DMD: variants seen among roughly 807,000 people sequenced by gnomAD.
DMD encodes the protein dystrophin.
Under a neutral mutation model 330.1 loss-of-function variants are expected in DMD, and 63 were observed. That is an observed-to-expected ratio of 0.19 (90% CI 0.16 to 0.24). The LOEUF (loss-of-function observed/expected upper bound fraction) is 0.24. DMD is among the 10% of genes least tolerant of loss of function. The pLI is 1.00. For missense variants in DMD, 3,344 were observed against 2,684.1 expected (o/e 1.25, Z -5.43); for synonymous variants, 1,223 against 959.8 (o/e 1.27, Z -5.07).
Position 32,105,449 on chromosome X carries a change from TA to T in DMD, c.6438+111466del, listed in dbSNP as rs753528038. ...GTGATACATTAAATGATTTAAATTT[TA>T]AAAACTGTAAGAATTAATGTGGAAA... On this transcript the variant is annotated intron_variant, in intron 44 of 78. Coordinates refer to ENST00000357033, the MANE Select transcript of DMD (RefSeq NM_004006.3). Among the ~76,000 whole-genome samples, 204 of 112,307 alleles carry T rather than the reference TA, an allele frequency of 1.8e-3. 1 individual carries two copies. Among genetic ancestry groups the T allele is most frequent in the African/African-American group, 6.0e-3 (185 of 31,004 alleles).
chrX:32,396,286 T>G (rs949476791), intron 30 of DMD, among the ~76,000 whole-genome samples: 15 of 111,352 alleles, frequency 1.3e-4, no homozygotes, highest in African/African-American at 4.9e-4. Context: ...GATGAGCTTC[T>G]GTGTTTTTAG....
chrX:31,166,194 G>C (rs1373466996), intron 74 of DMD, among the ~76,000 whole-genome samples: 1 of 111,719 alleles, frequency 9.0e-6, no homozygotes, highest in Non-Finnish European at 1.9e-5. Context: ...AATATTTATT[G>C]AATACTATGT....
intron 19 of DMD, among the ~76,000 whole-genome samples, chrX:32,499,317 T>C (rs1433705060): frequency 8.9e-6 from 1 of 111,978 alleles, no homozygotes; most frequent in East Asian, 2.8e-4. Flanking sequence ...TATGCTATTC[T>C]ACATATTTTT....
At chrX:32,777,590 G>A (rs998924289) in intron 7 of DMD, among the ~76,000 whole-genome samples, 13 of 110,953 alleles carry the variant, frequency 1.2e-4, no homozygotes, top group Non-Finnish European at 1.7e-4. Context: ...TCAGGACTTC[G>A]CAGTTTTCCA....
At chrX:31,583,440 A>C (rs5971580) in intron 55 of DMD, among the ~76,000 whole-genome samples, 1 of 110,591 alleles carries the variant, frequency 9.0e-6, no homozygotes, top group East Asian at 2.9e-4. Flanking sequence ...GGTGTTAGAG[A>C]ACTAAAGGAG....
chrX:33,105,071 T>C (rs1458329342), intron 1 of DMD, among the ~76,000 whole-genome samples: 1 of 112,148 alleles, frequency 8.9e-6, no homozygotes, highest in Non-Finnish European at 1.9e-5. Context: ...TTTTAAAACG[T>C]CTATTCCTAC....
At chrX:33,285,073 T>C (rs531998433) in intron 1 of DMD, among the ~76,000 whole-genome samples, 1 of 110,927 alleles carries the variant, frequency 9.0e-6, no homozygotes, top group East Asian at 2.9e-4. Flanking sequence ...AACAGGAGAG[T>C]TGGTTAAGCT....
At chrX:32,259,543 T>C (rs2097313322) in intron 43 of DMD, among the ~76,000 whole-genome samples, 1 of 105,807 alleles carries the variant, frequency 9.5e-6, no homozygotes, top group Non-Finnish European at 2.0e-5. Context: ...GTAATGGGAT[T>C]TGATATTATT....
intron 1 of DMD, among the ~76,000 whole-genome samples, chrX:33,243,334 T>G (rs2052617627): frequency 8.9e-6 from 1 of 111,917 alleles, no homozygotes; most frequent in Non-Finnish European, 1.9e-5. Context: ...TTTCTAACAG[T>G]TTTTGGTGGA....
chrX:32,268,585 A>G (rs1283221753), intron 43 of DMD, among the ~76,000 whole-genome samples: 1 of 111,457 alleles, frequency 9.0e-6, no homozygotes. Context: ...ACAGCTTCCT[A>G]GAATCACTGC....
In DMD at chrX:32,150,642, CAT is replaced by C. The variant is rs747283326; in HGVS notation, c.6438+66272_6438+66273del. ...AAAGGCAGCACCTTTTTTGCTATCA[CAT>C]ATGAGATGCTGAATTTATTGATAAC... On this transcript the variant is annotated intron_variant, in intron 44 of 78. Transcript: ENST00000357033. Among the ~76,000 whole-genome samples, 64 of 111,390 alleles carry C rather than the reference CAT, an allele frequency of 5.7e-4. 1 individual carries two copies. The highest frequency in any genetic ancestry group is 4.8e-3 in the Admixed American group (50 of 10,426).
chrX:33,280,879 A>C (rs1388918440), intron 1 of DMD, among the ~76,000 whole-genome samples: 1 of 111,709 alleles, frequency 9.0e-6, no homozygotes, highest in African/African-American at 3.3e-5. Context: ...TTCTCTAATT[A>C]ATTTTTCCTT....
intron 47 of DMD, among the ~76,000 whole-genome samples, chrX:31,892,034 T>A (rs1270430554): frequency 8.9e-6 from 1 of 112,460 alleles, no homozygotes; most frequent in Non-Finnish European, 1.9e-5. Flanking sequence ...GTAGCCAGTA[T>A]GTACAAATGT....
intron 44 of DMD, among the ~76,000 whole-genome samples, chrX:32,050,870 G>A (rs985682298): frequency 9.1e-6 from 1 of 110,121 alleles, no homozygotes; most frequent in Non-Finnish European, 1.9e-5. Flanking sequence ...GTAAAATAAC[G>A]TACCTATAGT....
At position 32,477,798 on chromosome X, in the gene DMD, T is replaced by A. The variant is rs181797015; in HGVS notation, c.2804-5489A>T. On this transcript the variant is annotated intron_variant, in intron 21 of 78. Transcript: ENST00000357033. ...ATAGGCACTTAAGCATCAGAGAATG[T>A]ACAATAGAGAGAAGGAAGACGTAAC... Among the ~76,000 whole-genome samples the A allele has an allele frequency of 3.7e-3, 404 of 110,546 alleles. 2 individuals are homozygous for A. The highest frequency in any genetic ancestry group is 0.013 in the African/African-American group (383 of 30,458).
intron 9 of DMD, among the ~76,000 whole-genome samples, chrX:32,652,156 T>G (rs777249290): frequency 1.7e-4 from 19 of 111,464 alleles, no homozygotes; most frequent in Middle Eastern, 4.6e-3. Flanking sequence ...TTTTTTATAC[T>G]TTAAATACTA....
chrX:31,121,809 C>A lies in DMD; in HGVS notation c.*110G>T. On this transcript the variant is annotated 3_prime_UTR_variant, in exon 79 of 79. Coordinates refer to ENST00000357033, the MANE Select transcript of DMD (RefSeq NM_004006.3). Reference sequence around the variant, plus strand: ...TTGTATGAATATTATAAAAACCATGCGGGAATCAGGAGTTGTAAAACATTT... The same window carrying A: ...TTGTATGAATATTATAAAAACCATGAGGGAATCAGGAGTTGTAAAACATTT... 9.8e-7 allele frequency: 1 copy of A among 1,018,692 alleles called. No individual in the cohort carries two copies. Among genetic ancestry groups the A allele is most frequent in the South Asian group, 1.9e-5 (1 of 53,043 alleles). 84.0% of individuals were successfully genotyped at this position (1,018,692 alleles called of 1,213,427 possible).
At chrX:33,323,694 T>C (rs562626568) in intron 1 of DMD, among the ~76,000 whole-genome samples, 2 of 111,658 alleles carry the variant, frequency 1.8e-5, no homozygotes, top group South Asian at 7.4e-4. Context: ...TTTTCTATCC[T>C]TCCCACTGCA....
rs991836155 is a variant in DMD, at chrX:31,192,479, C to T, written c.9808-9575G>A. Among the ~76,000 whole-genome samples, 3 of 112,063 alleles carry T rather than the reference C, an allele frequency of 2.7e-5. No individual in the cohort carries two copies. The East Asian group carries it at 8.4e-4, about 31-fold the overall frequency. On this transcript the variant is annotated intron_variant, in intron 67 of 78. Coordinates refer to ENST00000357033, the MANE Select transcript of DMD (RefSeq NM_004006.3). Reference sequence around the variant, plus strand: ...ACACTTGGTCTCATGTGAAATGCCACACTCTATGTACAAGACTGTTTTCTA... The same window carrying T: ...ACACTTGGTCTCATGTGAAATGCCATACTCTATGTACAAGACTGTTTTCTA...
Sources: gnomAD v4.1 joint callset for allele counts (sites outside exome capture counted in the v4.1 genomes callset) on GRCh38, gnomAD v4.1.1 for gene constraint, MANE v1.5 for transcripts, NCBI Gene and HGNC (gene_info 2026-07-23, HGNC 2026-07-21) for gene names.